AMPH: variants seen among roughly 807,000 people sequenced by gnomAD.
AMPH encodes amphiphysin (Stiff-Mann syndrome with breast cancer 128kD autoantigen).
A neutral mutation model predicts 99.1 loss-of-function variants in AMPH; 49 were observed. That is an observed-to-expected ratio of 0.49 (90% confidence interval 0.39 to 0.63). The LOEUF (loss-of-function observed/expected upper bound fraction) is 0.63. Ranked by LOEUF, AMPH falls within the 20% of genes least tolerant of loss-of-function variation. The pLI, the probability that AMPH is intolerant of heterozygous loss-of-function variation, is 0.00. For missense variants in AMPH, 759 were observed against 863.4 expected, an observed-to-expected ratio of 0.88 and a Z score of 1.52; for synonymous variants, 314 against 317.3, an observed-to-expected ratio of 0.99 and a Z score of 0.11.
At chr7:38,428,021 G>T (rs1291499198) in intron 14 of AMPH, 1 of 456,690 alleles carries the variant, frequency 2.2e-6, no homozygotes, top group Non-Finnish European at 4.4e-6. Context: ...GTTCCCAGCA[G>T]CTAGCAATGG....
intron 1 of AMPH, among the ~76,000 whole-genome samples, chr7:38,592,717 C>A (rs1404871281): frequency 6.9e-6 from 1 of 144,082 alleles, no homozygotes; most frequent in Non-Finnish European, 1.5e-5. Context: ...GGAGACAGAG[C>A]AAGACTCCGT....
intron 7 of AMPH, 36 bp from the exon 8 acceptor site, chr7:38,466,284 A>C: frequency 6.6e-7 from 1 of 1,505,050 alleles, no homozygotes; most frequent in South Asian, 1.2e-5. Flanking sequence ...AAGAAGAGAG[A>C]GGGAAAGACC....
chr7:38,428,259 T>G, intron 14 of AMPH: 1 of 456,774 alleles, frequency 2.2e-6, no homozygotes, highest in South Asian at 1.5e-5. Flanking sequence ...CTGCCAGATT[T>G]GACCTGGATC....
chr7:38,494,194 G>A (rs1045730769), intron 4 of AMPH, among the ~76,000 whole-genome samples: 4 of 152,096 alleles, frequency 2.6e-5, no homozygotes, highest in African/African-American at 9.7e-5. Context: ...CCTGACCTCA[G>A]GCAATTCACC....
chr7:38,613,670 A>G (rs902945043), intron 1 of AMPH, among the ~76,000 whole-genome samples: 4 of 152,166 alleles, frequency 2.6e-5, no homozygotes, highest in African/African-American at 9.7e-5. Flanking sequence ...CAATTTTTAC[A>G]AGTGAAAGTA....
chr7:38,437,932 T>C (rs1786350611), intron 11 of AMPH, among the ~76,000 whole-genome samples: 1 of 152,228 alleles, frequency 6.6e-6, no homozygotes, highest in Non-Finnish European at 1.5e-5. Flanking sequence ...TTGCATTTTC[T>C]ATTCTGCAGC....
intron 1 of AMPH, among the ~76,000 whole-genome samples, chr7:38,567,388 G>A (rs1791783611): frequency 6.6e-6 from 1 of 152,144 alleles, no homozygotes; most frequent in Admixed American, 6.5e-5. Flanking sequence ...GGGCCTGTCA[G>A]GGGTTGGGGG....
At chr7:38,393,460 G>T (rs1056411852) in intron 18 of AMPH, among the ~76,000 whole-genome samples, 5 of 152,280 alleles carry the variant, frequency 3.3e-5, no homozygotes, top group African/African-American at 1.2e-4. Context: ...CTGAGGCAGT[G>T]CCGAGCAGGG....
intron 1 of AMPH, among the ~76,000 whole-genome samples, chr7:38,608,671 T>TC (rs1309777344): frequency 6.6e-6 from 1 of 152,064 alleles, no homozygotes; most frequent in African/African-American, 2.4e-5. Context: ...AATACTGACA[T>TC]CAAACAGGAG....
chr7:38,502,706 C>A (rs1346162764), intron 3 of AMPH, among the ~76,000 whole-genome samples: 1 of 152,186 alleles, frequency 6.6e-6, no homozygotes, highest in Non-Finnish European at 1.5e-5. Context: ...TGGGCCCACT[C>A]TGTATGTAAG....
At chr7:38,424,214 A>G (rs1785699677) in intron 15 of AMPH, among the ~76,000 whole-genome samples, 1 of 152,232 alleles carries the variant, frequency 6.6e-6, no homozygotes, top group African/African-American at 2.4e-5. Flanking sequence ...AATGAACTCT[A>G]TCTACCTGTA....
At chr7:38,418,835 T>A (rs1785487165) in intron 16 of AMPH, among the ~76,000 whole-genome samples, 1 of 152,174 alleles carries the variant, frequency 6.6e-6, no homozygotes, top group Admixed American at 6.5e-5. Flanking sequence ...ATTACATATA[T>A]GCTGAATCAG....
At chr7:38,417,250 G>T (rs1020572655) in intron 17 of AMPH, among the ~76,000 whole-genome samples, 1 of 152,038 alleles carries the variant, frequency 6.6e-6, no homozygotes, top group African/African-American at 2.4e-5. Flanking sequence ...AGGTTTCCAG[G>T]CAGACAAATG....
intron 1 of AMPH, among the ~76,000 whole-genome samples, chr7:38,623,419 A>G (rs544178999): frequency 4.3e-4 from 66 of 152,342 alleles, no homozygotes; most frequent in Middle Eastern, 6.8e-3. Context: ...TGCATTAATA[A>G]AAAAGGCAGA....
At chr7:38,574,548 T>C (rs938883102) in intron 1 of AMPH, among the ~76,000 whole-genome samples, 16 of 152,222 alleles carry the variant, frequency 1.1e-4, no homozygotes, top group Admixed American at 6.5e-4. Flanking sequence ...ACACAGCCTC[T>C]GCCACTTACA....
chr7:38,553,907 G>C (rs1791268844), intron 1 of AMPH, among the ~76,000 whole-genome samples: 1 of 152,216 alleles, frequency 6.6e-6, no homozygotes, highest in African/African-American at 2.4e-5. Context: ...AGAGTTGTTA[G>C]GAGTATTGAG....
At chr7:38,603,251 G>A (rs1793314799) in intron 1 of AMPH, among the ~76,000 whole-genome samples, 1 of 148,734 alleles carries the variant, frequency 6.7e-6, no homozygotes, top group Non-Finnish European at 1.5e-5. Context: ...GGGAGGTGGA[G>A]GTTGCAGTGA....
At chr7:38,420,766 A>C in intron 16 of AMPH, 1 of 307,910 alleles carries the variant, frequency 3.2e-6, no homozygotes, top group African/African-American at 2.2e-5. Flanking sequence ...TTTAGTGAGA[A>C]CTCCAAAGGG....
At chr7:38,607,985 T>C (rs1370916482) in intron 1 of AMPH, among the ~76,000 whole-genome samples, 1 of 152,228 alleles carries the variant, frequency 6.6e-6, no homozygotes, top group East Asian at 1.9e-4. Context: ...TTTATTTCTC[T>C]GCTTTTTTTA....
Sources: gnomAD v4.1 joint callset for allele counts (sites outside exome capture counted in the v4.1 genomes callset) on GRCh38, gnomAD v4.1.1 for gene constraint, MANE v1.5 for transcripts, NCBI Gene and HGNC (gene_info 2026-07-23, HGNC 2026-07-21) for gene names.